The following RYR3 variants were observed in gnomAD, a reference collection of about 807,000 sequenced individuals.
The protein encoded by RYR3 is brain ryanodine receptor-calcium release channel.
Under a neutral mutation model 584.3 loss-of-function variants are expected in RYR3, and 207 were observed. The observed-to-expected ratio is 0.35, with a 90% CI of 0.32 to 0.40. The LOEUF (loss-of-function observed/expected upper bound fraction) is 0.40, where lower values mean the gene tolerates loss of function less well. Ranked by LOEUF, RYR3 falls within the 10% of genes least tolerant of loss-of-function variation. The probability of loss-of-function intolerance (pLI) is 1.00; values close to 1 mark genes in which losing one functional copy is unlikely to be tolerated. For synonymous variants in RYR3, 2,416 were observed against 2,248.5 expected, an observed-to-expected ratio of 1.07 and a Z score of -2.11; for missense variants, 5,616 against 6,089.2, an observed-to-expected ratio of 0.92 and a Z score of 2.59.
chr15:33,547,983 T>C (rs1045640895), intron 8 of RYR3, 147 bp from the exon 9 acceptor site: 6 of 638,022 alleles, frequency 9.4e-6, no homozygotes, highest in African/African-American at 1.9e-5. Context: ...GAAACTGTCT[T>C]CCCTCTTATT....
At chr15:33,448,889 G>GT (rs553670246) in intron 1 of RYR3, among the ~76,000 whole-genome samples, 287 of 152,250 alleles carry the variant, frequency 1.9e-3, no homozygotes, top group African/African-American at 6.7e-3. Context: ...TGCCTGGAGT[G>GT]TGGGGGAGAG....
At chr15:33,620,666 C>T (rs1288535121) in intron 19 of RYR3, among the ~76,000 whole-genome samples, 2 of 152,186 alleles carry the variant, frequency 1.3e-5, no homozygotes, top group Non-Finnish European at 2.9e-5. Context: ...CTAGTTATTA[C>T]CTTTGATCTC....
At chr15:33,635,227 G>A (rs1282822286) in intron 25 of RYR3, among the ~76,000 whole-genome samples, 1 of 152,186 alleles carries the variant, frequency 6.6e-6, no homozygotes, top group African/African-American at 2.4e-5. Context: ...TAAGGGGATG[G>A]TTTTGAAGTC....
intron 1 of RYR3, among the ~76,000 whole-genome samples, chr15:33,322,465 C>T (rs1166386624): frequency 6.6e-6 from 1 of 152,094 alleles, no homozygotes; most frequent in Non-Finnish European, 1.5e-5. Context: ...ACAACCATGA[C>T]CCAAACACCT....
chr15:33,423,494 T>C (rs1398657936), intron 1 of RYR3, among the ~76,000 whole-genome samples: 1 of 152,194 alleles, frequency 6.6e-6, no homozygotes, highest in Non-Finnish European at 1.5e-5. Flanking sequence ...TTCCTTTGGA[T>C]ATATACCTAG....
chr15:33,778,461 G>C (rs1473892550), intron 64 of RYR3, among the ~76,000 whole-genome samples: 2 of 152,186 alleles, frequency 1.3e-5, no homozygotes, highest in African/African-American at 2.4e-5. Flanking sequence ...ACTATCCTCA[G>C]TTGTCACCGA....
intron 100 of RYR3, 93 bp from the exon 101 acceptor site, chr15:33,860,502 T>C: frequency 1.4e-6 from 1 of 702,872 alleles, no homozygotes. Context: ...TTCACTTTTT[T>C]TTTTTAACAG....
At position 33,711,690 on chromosome 15, in the gene RYR3, C is replaced by T. The variant is rs540227211; in HGVS notation, c.6619+4636C>T. ...CTTTACTAATGTGTAATATGCATGA[C>T]CTTTGCTCCAATTCCAAATAAGTTC... is the stretch of plus-strand genomic sequence containing the variant. On this transcript the variant is annotated intron_variant, in intron 43 of 103. Coordinates refer to ENST00000634891, the MANE Select transcript of RYR3 (RefSeq NM_001036.6). 6.6e-5 allele frequency among the ~76,000 whole-genome samples: 10 copies of T among 152,326 alleles called. No homozygotes were observed. The South Asian group carries it at 1.7e-3, about 25-fold the overall frequency.
At chr15:33,864,842 T>TTGC in intron 103 of RYR3, 1 of 339,344 alleles carries the variant, frequency 2.9e-6, no homozygotes, top group South Asian at 6.6e-5. Flanking sequence ...AATCAGCTTA[T>TTGC]TGCTAAATCT....
intron 84 of RYR3, among the ~76,000 whole-genome samples, 167 bp downstream of exon 84, chr15:33,826,919 C>T (rs903745100): frequency 4.6e-5 from 7 of 152,134 alleles, no homozygotes; most frequent in Non-Finnish European, 1.5e-5. Context: ...TATTTAGTGC[C>T]ACCAAGGCTA....
intron 1 of RYR3, among the ~76,000 whole-genome samples, chr15:33,431,737 GC>G (rs997865527): frequency 6.6e-5 from 10 of 152,164 alleles, no homozygotes; most frequent in Non-Finnish European, 1.0e-4. Context: ...CTGCACTCCA[GC>G]CTGAAAAAGA....
rs1596021902 is a variant in RYR3 at position 33,660,268 on chromosome 15, G to A, written c.4467G>A (p.Arg1489=). 2 of 1,556,816 alleles carry A rather than the reference G, an allele frequency of 1.3e-6. No homozygotes were observed. The highest frequency in any genetic ancestry group is 8.7e-7 in the Non-Finnish European group (1 of 1,150,162). ...EKNPVPQCPP[R]LDVQTIQPVL... ...ACCCAGTCCCACAGTGTCCACCTCG[G>A]CTGGACGTCCAAACCATCCAGCCCG... The change falls in exon 34 of 104, where the codon CGG becomes CGA. Residue 1489 remains arginine, a synonymous_variant. Coordinates refer to ENST00000634891, the MANE Select transcript of RYR3 (RefSeq NM_001036.6).
intron 65 of RYR3, among the ~76,000 whole-genome samples, chr15:33,780,796 G>A (rs1176605572): frequency 1.3e-5 from 2 of 152,148 alleles, no homozygotes; most frequent in African/African-American, 4.8e-5. Flanking sequence ...TGTCCTCATG[G>A]AAGATAAGAC....
At chr15:33,796,485 C>A (rs183685033) in intron 67 of RYR3, among the ~76,000 whole-genome samples, 2 of 152,234 alleles carry the variant, frequency 1.3e-5, no homozygotes, top group Admixed American at 6.5e-5. Context: ...TCTGCCACCC[C>A]CCAGGATTCT....
chr15:33,321,905 A>G (rs8036329), intron 1 of RYR3, among the ~76,000 whole-genome samples: 9,450 of 152,212 alleles, frequency 0.062, 901 homozygotes, highest in African/African-American at 0.21. Context: ...CCTAATCTAT[A>G]GAAAGGTGAA....
intron 1 of RYR3, among the ~76,000 whole-genome samples, chr15:33,336,432 AAGAAAGAAAGAGAGAGAGAGAGAGAG>A (rs1478238054): frequency 4.6e-5 from 1 of 21,556 alleles, no homozygotes; most frequent in Non-Finnish European, 7.5e-5. Context: ...GAAAGAAAGA[AAGAAAGAAAGAGAGAGAGAGAGAGAG>A]AGAGAGAGAG....
rs2152900648 is a variant in RYR3 at position 33,780,095 on chromosome 15, C to T, written c.9138-116C>T. The T allele has an allele frequency of 3.3e-6, 4 of 1,218,062 alleles. No individual in the cohort carries two copies. The South Asian group carries it at 6.1e-5, about 18-fold the overall frequency. The allele number at this position is 1,218,062 out of a possible 1,614,324, so 75.5% of individuals were successfully genotyped here. Reference sequence around the variant, plus strand: ...AGGGGAAGAAGTGCATGCAAGCTTGCTGAGCCTAGTGCCTAGGGATGTCCA... The same window carrying T: ...AGGGGAAGAAGTGCATGCAAGCTTGTTGAGCCTAGTGCCTAGGGATGTCCA... On this transcript the variant is annotated intron_variant, in intron 64 of 103. Coordinates refer to ENST00000634891, the MANE Select transcript of RYR3 (RefSeq NM_001036.6).
intron 56 of RYR3, 23 bp downstream of exon 56, chr15:33,750,077 C>A: frequency 6.2e-7 from 1 of 1,609,158 alleles, no homozygotes; most frequent in East Asian, 2.2e-5. Flanking sequence ...CACAGCATCC[C>A]CTAAAGAAGC....
At chr15:33,864,925 T>G in intron 103 of RYR3, 1 of 511,204 alleles carries the variant, frequency 2.0e-6, no homozygotes, top group Non-Finnish European at 3.5e-6. Flanking sequence ...ATTTTTCTCC[T>G]TCCCTGCCAG....
Sources: allele counts gnomAD v4.1 joint callset (sites outside exome capture counted in the v4.1 genomes callset), GRCh38; gene constraint gnomAD v4.1.1; transcripts MANE v1.5; gene names NCBI Gene and HGNC (gene_info 2026-07-23, HGNC 2026-07-21).